The following FBXL2 variants were observed in gnomAD, a reference collection of about 807,000 sequenced individuals.
FBXL2 encodes the protein F-box and leucine rich repeat protein 2.
A neutral mutation model predicts 69.2 loss-of-function variants in FBXL2; 38 were observed. The observed-to-expected ratio is 0.55, with a 90% CI of 0.42 to 0.72. FBXL2 has a LOEUF of 0.72. Ranked by LOEUF, FBXL2 falls within the 30% of genes least tolerant of loss-of-function variation. The pLI is 0.00. For missense variants in FBXL2, 354 were observed against 520.3 expected (o/e 0.68, Z 3.11); for synonymous variants, 192 against 201.3 (o/e 0.95, Z 0.39).
chr3:33,338,815 A>G (rs1388085683), intron 2 of FBXL2, among the ~76,000 whole-genome samples: 1 of 152,232 alleles, frequency 6.6e-6, no homozygotes, highest in Non-Finnish European at 1.5e-5. Context: ...ACCTAAAAAT[A>G]TAAAATCCCT....
intron 2 of FBXL2, among the ~76,000 whole-genome samples, chr3:33,354,957 T>C (rs955802910): frequency 6.6e-6 from 1 of 151,974 alleles, no homozygotes; most frequent in Non-Finnish European, 1.5e-5. Context: ...AAAATATTCC[T>C]TTTTTTTGAG....
intron 1 of FBXL2, among the ~76,000 whole-genome samples, chr3:33,282,334 T>G (rs1559481437): frequency 6.6e-6 from 1 of 152,214 alleles, no homozygotes; most frequent in African/African-American, 2.4e-5. Context: ...TTTTGTCAGG[T>G]TTGTCAAAGA....
the FBXL2 span, among the ~76,000 whole-genome samples, chr3:33,420,466 C>T: frequency 2.0e-5 from 3 of 149,612 alleles, no homozygotes; most frequent in Non-Finnish European, 3.0e-5. Flanking sequence ...GCTGGAATGA[C>T]AGGTGTGTGC....
intron 2 of FBXL2, among the ~76,000 whole-genome samples, chr3:33,299,044 T>TTTATTTATTTATTTATTTATTTAC (rs2036018808): frequency 1.3e-5 from 2 of 151,644 alleles, no homozygotes; most frequent in South Asian, 4.2e-4. Context: ...TATTTATTTA[T>TTTATTTATTTATTTATTTATTTAC]TTATTTATTT....
intron 2 of FBXL2, among the ~76,000 whole-genome samples, chr3:33,343,197 C>A (rs2040197375): frequency 6.6e-6 from 1 of 151,820 alleles, no homozygotes; most frequent in Admixed American, 6.6e-5. Flanking sequence ...TCATATGACA[C>A]TTAAATCTAT....
At chr3:33,324,618 T>C (rs529409504) in intron 2 of FBXL2, among the ~76,000 whole-genome samples, 1 of 152,326 alleles carries the variant, frequency 6.6e-6, no homozygotes, top group African/African-American at 2.4e-5. Flanking sequence ...GTTGTAGATA[T>C]GTGGCATTAT....
downstream of FBXL2, among the ~76,000 whole-genome samples, chr3:33,408,414 G>A (rs929229884): frequency 2.6e-5 from 4 of 152,120 alleles, no homozygotes; most frequent in African/African-American, 4.8e-5. Flanking sequence ...AAGGGAAGGA[G>A]TCAGGGAGGG....
chr3:33,412,928 T>A, the FBXL2 span: 1 of 722,568 alleles, frequency 1.4e-6, no homozygotes, highest in Non-Finnish European at 2.5e-6. Flanking sequence ...GTAGAACACA[T>A]ACAACTAGAT....
downstream of FBXL2, among the ~76,000 whole-genome samples, chr3:33,404,361 G>A (rs2044356776): frequency 6.6e-6 from 1 of 151,960 alleles, no homozygotes; most frequent in African/African-American, 2.4e-5. Context: ...GCAGTGAGCC[G>A]AGATCGTGCC....
At chr3:33,412,838 A>G in the FBXL2 span, 1 of 1,594,228 alleles carries the variant, frequency 6.3e-7, no homozygotes, top group South Asian at 1.1e-5. Context: ...CTGTGGAATA[A>G]GTGCGGAAAA....
At chr3:33,339,089 CA>C (rs1039773985) in intron 2 of FBXL2, among the ~76,000 whole-genome samples, 4 of 151,738 alleles carry the variant, frequency 2.6e-5, no homozygotes, top group African/African-American at 4.8e-5. Context: ...AACAAACAAA[CA>C]AAAAAACCCT....
At chr3:33,319,064 T>C (rs1393140530) in intron 2 of FBXL2, among the ~76,000 whole-genome samples, 1 of 152,216 alleles carries the variant, frequency 6.6e-6, no homozygotes, top group African/African-American at 2.4e-5. Flanking sequence ...TTTTCTAGAT[T>C]TTCCTTTAGG....
At chr3:33,289,278 T>G (rs77254933) in intron 1 of FBXL2, among the ~76,000 whole-genome samples, 534 of 152,342 alleles carry the variant, frequency 3.5e-3, no homozygotes, top group African/African-American at 0.012. Flanking sequence ...GTAGCTTTTT[T>G]GTTTCTTAGC....
chr3:33,373,054 C>A (rs775975896), intron 5 of FBXL2, 38 bp from the exon 6 acceptor site: 9 of 1,585,892 alleles, frequency 5.7e-6, no homozygotes, highest in Middle Eastern at 1.7e-4. Flanking sequence ...GGCTGTCCAG[C>A]AACTTGCAGG....
chr3:33,330,675 G>A (rs946260096), intron 2 of FBXL2, among the ~76,000 whole-genome samples: 3 of 151,936 alleles, frequency 2.0e-5, no homozygotes, highest in Non-Finnish European at 2.9e-5. Flanking sequence ...CTTACTTAAC[G>A]CCAGGAGTTT....
chr3:33,305,125 G>A (rs902075963), intron 2 of FBXL2, among the ~76,000 whole-genome samples: 6 of 151,646 alleles, frequency 4.0e-5, no homozygotes, highest in African/African-American at 7.3e-5. Context: ...TACCTTTTGT[G>A]AAGTCAAATG....
chr3:33,364,500 G>A (rs778987408), intron 4 of FBXL2, 125 bp from the exon 5 acceptor site: 73 of 852,026 alleles, frequency 8.6e-5, no homozygotes, highest in Non-Finnish European at 1.4e-4. Context: ...TTACAGGAAT[G>A]TTCCAAAATA....
At chr3:33,364,326 G>T (rs1014074568) in intron 4 of FBXL2, 1 of 370,250 alleles carries the variant, frequency 2.7e-6, no homozygotes, top group Admixed American at 4.5e-5. Flanking sequence ...GGTAGGGAGG[G>T]CCTAACCCCA....
chr3:33,313,029 A>T (rs1272771586), intron 2 of FBXL2, among the ~76,000 whole-genome samples: 3 of 151,992 alleles, frequency 2.0e-5, no homozygotes, highest in Non-Finnish European at 4.4e-5. Flanking sequence ...CTGAGGCAGG[A>T]GAACTGCTTG....
Sources: allele counts gnomAD v4.1 joint callset (sites outside exome capture counted in the v4.1 genomes callset), GRCh38; gene constraint gnomAD v4.1.1; transcripts MANE v1.5; gene names NCBI Gene and HGNC (gene_info 2026-07-23, HGNC 2026-07-21).